SYCE2: variants seen among roughly 807,000 people sequenced by gnomAD.
SYCE2 encodes central element synaptonemal complex 1.
In SYCE2, 3 loss-of-function variants were observed where a neutral mutation model predicts 27.9. That is an observed-to-expected ratio of 0.11 (90% CI 0.05 to 0.28). The LOEUF (loss-of-function observed/expected upper bound fraction) is 0.28. Among genes scored for constraint, SYCE2 ranks in the 10% least tolerant of loss-of-function variants. SYCE2 has a pLI of 1.00. For synonymous variants in SYCE2, 85 were observed against 100.7 expected, an observed-to-expected ratio of 0.84 and a Z score of 0.93; for missense variants, 207 against 263.5, an observed-to-expected ratio of 0.79 and a Z score of 1.48.
Position 12,900,012 on chromosome 19 carries a change from T to C in SYCE2, c.604A>G (p.Thr202Ala), listed in dbSNP as rs1970802022. 6.2e-7 allele frequency: 1 copy of C among 1,612,968 alleles called. No individual in the cohort carries two copies. Among genetic ancestry groups the C allele is most frequent in the Non-Finnish European group, 8.5e-7 (1 of 1,179,918 alleles). The part of the protein sequence containing the change: ...DVFVSSVAET[T>A]SQATASEVQT... ...GGTTTACTGGTAACCACCTGAGAAG[T>C]AGTTTCAGCCACAGAAGAAACGAAC... The change falls in exon 5 of 6, where the codon ACT becomes GCT. Residue 202 changes from threonine to alanine, a missense_variant. Transcript: ENST00000293695.
chr19:12,915,731 C>T (rs2145982491), intron 2 of SYCE2, among the ~76,000 whole-genome samples: 1 of 152,234 alleles, frequency 6.6e-6, no homozygotes, highest in Middle Eastern at 3.4e-3. Context: ...CTGCAGCCCT[C>T]CCCTTGCACT....
At chr19:12,918,149 C>A in intron 2 of SYCE2, 73 bp downstream of exon 2, 2 of 1,303,930 alleles carry the variant, frequency 1.5e-6, no homozygotes, top group East Asian at 4.6e-5. Flanking sequence ...CTGGCATAGC[C>A]TTGTGGAAGA....
At chr19:12,912,225 C>A (rs1346715713) in intron 2 of SYCE2, among the ~76,000 whole-genome samples, 2 of 151,842 alleles carry the variant, frequency 1.3e-5, no homozygotes, top group East Asian at 3.8e-4. Context: ...CGTGAGCCAC[C>A]AAGCCCGATC....
intron 4 of SYCE2, 168 bp downstream of exon 4, chr19:12,900,292 A>G: frequency 5.7e-6 from 6 of 1,050,848 alleles, no homozygotes; most frequent in Non-Finnish European, 4.1e-6. Context: ...CAGACACACC[A>G]TGTTATAGGG....
intron 1 of SYCE2, among the ~76,000 whole-genome samples, chr19:12,918,988 G>A (rs578114027): frequency 6.6e-6 from 1 of 151,226 alleles, no homozygotes; most frequent in African/African-American, 2.4e-5. Flanking sequence ...AAACGGGTGC[G>A]GTGCGTGGGT....
chr19:12,916,066 CTTTT>C (rs35687682), intron 2 of SYCE2, among the ~76,000 whole-genome samples: 1 of 137,736 alleles, frequency 7.3e-6, no homozygotes, highest in Admixed American at 7.4e-5. Context: ...CCATATCAGC[CTTTT>C]TTTTTTTTTT....
chr19:12,909,462 G>A (rs1460260407), intron 2 of SYCE2, among the ~76,000 whole-genome samples: 2 of 152,132 alleles, frequency 1.3e-5, no homozygotes, highest in Non-Finnish European at 2.9e-5. Context: ...TGGTTCCCAA[G>A]CTCAAAACTT....
At chr19:12,903,686 CTATT>C (rs1318277316) in intron 3 of SYCE2, among the ~76,000 whole-genome samples, 1 of 152,074 alleles carries the variant, frequency 6.6e-6, no homozygotes, top group African/African-American at 2.4e-5. Context: ...CACCTGGCCC[CTATT>C]TATTTATTTT....
chr19:12,901,348 C>G (rs191731580), intron 3 of SYCE2, among the ~76,000 whole-genome samples: 11 of 151,022 alleles, frequency 7.3e-5, no homozygotes, highest in Admixed American at 4.0e-4. Flanking sequence ...TGCACTCTAA[C>G]CTGGGCAACA....
intron 3 of SYCE2, among the ~76,000 whole-genome samples, chr19:12,903,972 A>G (rs769191486): frequency 6.6e-6 from 1 of 152,182 alleles, no homozygotes; most frequent in African/African-American, 2.4e-5. Context: ...CAGCTTTTGC[A>G]AGATGTAAGC....
At chr19:12,907,969 G>C (rs771422983) in intron 2 of SYCE2, among the ~76,000 whole-genome samples, 14 of 151,916 alleles carry the variant, frequency 9.2e-5, no homozygotes, top group Admixed American at 8.5e-4. Context: ...AAAATTAGCC[G>C]AGTGTGGTGG....
At chr19:12,911,677 C>T (rs535809463) in intron 2 of SYCE2, among the ~76,000 whole-genome samples, 3 of 142,086 alleles carry the variant, frequency 2.1e-5, no homozygotes, top group Non-Finnish European at 4.5e-5. Context: ...GAGTGCAGTG[C>T]CACGATCTCG....
intron 2 of SYCE2, among the ~76,000 whole-genome samples, chr19:12,917,658 G>GTTTTTTT (rs1568440332): frequency 2.9e-5 from 1 of 33,984 alleles, no homozygotes; most frequent in Non-Finnish European, 5.5e-5. Context: ...ACCATTCCTG[G>GTTTTTTT]CTTTTTTTTT....
chr19:12,905,295 C>A (rs1970913946), intron 2 of SYCE2, among the ~76,000 whole-genome samples: 1 of 152,156 alleles, frequency 6.6e-6, no homozygotes, highest in Non-Finnish European at 1.5e-5. Context: ...CAACTTGCTT[C>A]TTTGGAATTT....
intron 1 of SYCE2, 93 bp from the exon 2 acceptor site, chr19:12,918,430 G>A: frequency 8.4e-7 from 1 of 1,188,414 alleles, no homozygotes; most frequent in South Asian, 1.3e-5. Flanking sequence ...TCACCTCGAT[G>A]TGCTGCTGCG....
In SYCE2 at chr19:12,904,520, G is replaced by T; in HGVS notation, c.278C>A (p.Thr93Asn). ...GGTCTTCAGGCTGTTCCTGAAGTTG[G>T]TCATGAGTGCATGGTCCTTTTGCCG... ...KSRQKDHALM[T>N]NFRNSLKTKV... is the part of the protein sequence containing the mutation. The change falls in exon 3 of 6, where the codon ACC becomes AAC. Residue 93 changes from threonine to asparagine, a missense_variant. By Grantham distance (65) the Thr-to-Asn change is moderately conservative (BLOSUM62 0). Coordinates refer to ENST00000293695, the MANE Select transcript of SYCE2 (RefSeq NM_001105578.2). The T allele has an allele frequency of 6.2e-7, 1 of 1,614,066 alleles. No homozygotes were observed. Among genetic ancestry groups the T allele is most frequent in the Non-Finnish European group, 8.5e-7 (1 of 1,180,004 alleles).
intron 3 of SYCE2, among the ~76,000 whole-genome samples, chr19:12,901,025 C>T (rs371860453): frequency 3.0e-4 from 45 of 152,114 alleles, no homozygotes; most frequent in African/African-American, 7.7e-4. Context: ...AAAATTTAGC[C>T]GGGCGAGGTG....
At chr19:12,913,847 G>C (rs970291574) in intron 2 of SYCE2, 35 of 150,626 alleles carry the variant, frequency 2.3e-4, no homozygotes, top group Admixed American at 2.0e-3. Context: ...CTTTTTTTTT[G>C]GTCTCCAATT....
intron 3 of SYCE2, among the ~76,000 whole-genome samples, chr19:12,901,785 T>C (rs1215298849): frequency 2.6e-5 from 4 of 151,558 alleles, no homozygotes; most frequent in African/African-American, 9.7e-5. Flanking sequence ...CCAGCTAACT[T>C]TTTGTATTTT....
Sources: gnomAD v4.1 joint callset for allele counts (sites outside exome capture counted in the v4.1 genomes callset) on GRCh38, gnomAD v4.1.1 for gene constraint, MANE v1.5 for transcripts, NCBI Gene and HGNC (gene_info 2026-07-23, HGNC 2026-07-21) for gene names.